SND1: variants seen among roughly 807,000 people sequenced by gnomAD.
The protein encoded by SND1 is staphylococcal nuclease domain-containing protein 1.
SND1 carries 38 observed loss-of-function variants against 121.7 expected under a neutral mutation model. The ratio of observed to expected loss-of-function variants is 0.31; its 90% CI spans 0.24 to 0.41. The LOEUF (loss-of-function observed/expected upper bound fraction) is 0.41, where lower values mean the gene tolerates loss of function less well. Ranked by LOEUF, SND1 falls within the 10% of genes least tolerant of loss-of-function variation. SND1 has a pLI of 1.00. For missense variants in SND1, 868 were observed against 1,184.6 expected, an observed-to-expected ratio of 0.73 and a Z score of 3.92; for synonymous variants, 401 against 447.4, an observed-to-expected ratio of 0.90 and a Z score of 1.31.
chr7:127,833,987 G>A (rs1362959811), intron 11 of SND1, among the ~76,000 whole-genome samples: 1 of 151,184 alleles, frequency 6.6e-6, no homozygotes, highest in Non-Finnish European at 1.5e-5. Flanking sequence ...TTTTGTGACT[G>A]ACTTCCTTCA....
At chr7:127,660,214 G>A (rs1474114269) in intron 1 of SND1, among the ~76,000 whole-genome samples, 1 of 152,136 alleles carries the variant, frequency 6.6e-6, no homozygotes, top group East Asian at 1.9e-4. Context: ...TTGAGACCCA[G>A]AGGAACATGG....
At chr7:127,811,717 G>A (rs1798338153) in intron 11 of SND1, among the ~76,000 whole-genome samples, 1 of 151,990 alleles carries the variant, frequency 6.6e-6, no homozygotes, top group Admixed American at 6.6e-5. Flanking sequence ...CTCTATTCTG[G>A]GTAAATGTGC....
At chr7:127,703,884 T>C (rs1421293636) in intron 7 of SND1, among the ~76,000 whole-genome samples, 2 of 152,154 alleles carry the variant, frequency 1.3e-5, no homozygotes, top group Non-Finnish European at 2.9e-5. Flanking sequence ...ATCTAACTGT[T>C]TGGTCCTAGG....
intron 18 of SND1, among the ~76,000 whole-genome samples, chr7:128,083,664 C>T (rs768496268): frequency 6.6e-6 from 1 of 152,224 alleles, no homozygotes; most frequent in Non-Finnish European, 1.5e-5. Flanking sequence ...ACTTATAAGG[C>T]TGACTGTGGC....
At chr7:128,032,645 T>C (rs1377457930) in intron 16 of SND1, among the ~76,000 whole-genome samples, 1 of 151,984 alleles carries the variant, frequency 6.6e-6, no homozygotes, top group Non-Finnish European at 1.5e-5. Context: ...CCGGCCCGCG[T>C]CATCCTCACC....
chr7:127,686,511 T>G lies in SND1; in HGVS notation c.79-102T>G, dbSNP rs1795814865. The G allele has an allele frequency of 2.0e-5, 26 of 1,291,694 alleles. No homozygotes were observed. The South Asian group carries it at 3.5e-4, about 18-fold the overall frequency. 80.0% of individuals were successfully genotyped at this position (1,291,694 alleles called of 1,614,324 possible). A position where few individuals can be genotyped will look rare whatever the true frequency, so the allele number is the denominator to read the frequency against. On this transcript the variant is annotated intron_variant, in intron 1 of 23. Coordinates refer to ENST00000354725, the MANE Select transcript of SND1 (RefSeq NM_014390.4). ...CAGATGACTTTGCATGCCTTTGAAG[T>G]GCAAATGCTATTTGAAATGTTGGGG...
chr7:127,735,782 A>G (rs1009342632), intron 10 of SND1, among the ~76,000 whole-genome samples: 1 of 152,034 alleles, frequency 6.6e-6, no homozygotes, highest in African/African-American at 2.4e-5. Context: ...ATGTGCCACT[A>G]TGCCTGGCTA....
At chr7:127,734,806 A>G (rs1796744847) in intron 10 of SND1, among the ~76,000 whole-genome samples, 1 of 152,210 alleles carries the variant, frequency 6.6e-6, no homozygotes, top group Admixed American at 6.5e-5. Context: ...AGCTCTGAGC[A>G]TTACAGGATG....
rs761252708 is a variant in SND1, at chr7:127,861,720, C to CT, written c.1343+17297dup. On this transcript the variant is annotated intron_variant, in intron 12 of 23. Transcript: ENST00000354725. ...TCCTGACCTTAGGTGATCCACCCGC[C>CT]TCGGCCTCCTGAAGTGCTGGGATTA... 3.3e-5 allele frequency among the ~76,000 whole-genome samples: 5 copies of CT among 152,230 alleles called. No individual in the cohort carries two copies. The East Asian group carries it at 9.6e-4, about 29-fold the overall frequency.
chr7:127,979,641 C>T (rs369395790), intron 15 of SND1, among the ~76,000 whole-genome samples: 76 of 152,106 alleles, frequency 5.0e-4, no homozygotes, highest in African/African-American at 1.6e-3. Context: ...ACATAAAGAA[C>T]GAGGAAGTTA....
intron 16 of SND1, among the ~76,000 whole-genome samples, chr7:128,066,008 T>C (rs1423474609): frequency 6.6e-6 from 1 of 152,180 alleles, no homozygotes; most frequent in African/African-American, 2.4e-5. Flanking sequence ...AGATGAACAG[T>C]CTGCTTCCTT....
Position 128,017,679 on chromosome 7 carries a change from C to G in SND1, c.1779+26623C>G, listed in dbSNP as rs1803255178. Among the ~76,000 whole-genome samples, 3 of 152,356 alleles carry G rather than the reference C, an allele frequency of 2.0e-5. No individual in the cohort carries two copies. In the South Asian group the frequency reaches 6.2e-4, roughly 32 times the overall value. Reference sequence around the variant, plus strand: ...AGCCCTGTTCCAACTCCAGCAGCAGCACCACTCGGGGAGGGGGGGCAAACT... The same window carrying G: ...AGCCCTGTTCCAACTCCAGCAGCAGGACCACTCGGGGAGGGGGGGCAAACT... On this transcript the variant is annotated intron_variant, in intron 16 of 23. Coordinates refer to ENST00000354725, the MANE Select transcript of SND1 (RefSeq NM_014390.4).
intron 11 of SND1, among the ~76,000 whole-genome samples, chr7:127,835,287 A>G (rs148307372): frequency 1.8e-4 from 27 of 152,230 alleles, no homozygotes; most frequent in African/African-American, 5.5e-4. Context: ...ATTTGACATA[A>G]AGGCAGAAGT....
intron 2 of SND1, among the ~76,000 whole-genome samples, chr7:127,687,409 A>G (rs187248732): frequency 6.6e-6 from 1 of 152,306 alleles, no homozygotes; most frequent in Non-Finnish European, 1.5e-5. Flanking sequence ...TAGTGTATCC[A>G]TCACCAAAAT....
chr7:127,667,703 G>A (rs893450080), intron 1 of SND1, among the ~76,000 whole-genome samples: 2 of 152,190 alleles, frequency 1.3e-5, no homozygotes, highest in Non-Finnish European at 2.9e-5. Context: ...CTAGGGCTGA[G>A]TCCATCATTG....
intron 16 of SND1, among the ~76,000 whole-genome samples, chr7:128,037,622 A>G (rs1398495197): frequency 6.6e-6 from 1 of 152,172 alleles, no homozygotes; most frequent in Non-Finnish European, 1.5e-5. Context: ...ATGAAGGGGA[A>G]AGGGACAATG....
intron 15 of SND1, among the ~76,000 whole-genome samples, chr7:127,980,513 A>C (rs1020271659): frequency 2.0e-5 from 3 of 151,960 alleles, no homozygotes; most frequent in Non-Finnish European, 2.9e-5. Context: ...TTTGGTTCTT[A>C]AGTCTTAATA....
chr7:127,858,265 G>A lies in SND1; in HGVS notation c.1343+13841G>A, dbSNP rs564292697. 2.3e-4 allele frequency: 186 copies of A among 798,412 alleles called. 3 individuals are homozygous for A. The South Asian group carries it at 2.5e-3, about 11-fold the overall frequency. 49.5% of individuals were successfully genotyped at this position (798,412 alleles called of 1,614,324 possible). On this transcript the variant is annotated intron_variant, in intron 12 of 23. Transcript: ENST00000354725. ...GGGCCACCATCTGGTCGGCCAATTC[G>A]GAGAGCCGGTCCGGGCACTGCGGGG...
In SND1 at chr7:127,829,952, G is replaced by A. The variant is rs535339072; in HGVS notation, c.1243-14372G>A. Among the ~76,000 whole-genome samples, 16 of 152,326 alleles carry A rather than the reference G, an allele frequency of 1.1e-4. No individual in the cohort carries two copies. The South Asian group carries it at 3.3e-3, about 32-fold the overall frequency. On this transcript the variant is annotated intron_variant, in intron 11 of 23. Transcript: ENST00000354725. ...CAGTGAATTGGATAAGCATGATGTT[G>A]CACAGCATTGTGAATATACTAAAAT... is the stretch of plus-strand genomic sequence containing the variant.
Sources: allele counts gnomAD v4.1 joint callset (sites outside exome capture counted in the v4.1 genomes callset), GRCh38; gene constraint gnomAD v4.1.1; transcripts MANE v1.5; gene names NCBI Gene and HGNC (gene_info 2026-07-23, HGNC 2026-07-21).